The following SLCO1A2 variants were observed in gnomAD, a reference collection of about 807,000 sequenced individuals.
SLCO1A2 encodes OATP-1.
Under a neutral mutation model 69.0 loss-of-function variants are expected in SLCO1A2, and 67 were observed. The ratio of observed to expected loss-of-function variants is 0.97; its 90% CI spans 0.80 to 1.19. The LOEUF (loss-of-function observed/expected upper bound fraction) is 1.19, where lower values mean the gene tolerates loss of function less well. Among genes scored for constraint, SLCO1A2 ranks in the 50% most tolerant of loss-of-function variants. SLCO1A2 has a pLI of 0.00. For synonymous variants in SLCO1A2, 260 were observed against 265.9 expected, an observed-to-expected ratio of 0.98 and a Z score of 0.22; for missense variants, 787 against 793.7, an observed-to-expected ratio of 0.99 and a Z score of 0.10.
At chr12:21,340,906 G>GTGATGT (rs1190173466) in intron 2 of SLCO1A2, among the ~76,000 whole-genome samples, 2 of 151,900 alleles carry the variant, frequency 1.3e-5, no homozygotes, top group African/African-American at 4.8e-5. Context: ...AACATACAAT[G>GTGATGT]TGATGTTGCT....
intron 2 of SLCO1A2, among the ~76,000 whole-genome samples, chr12:21,359,603 CAG>C (rs768276852): frequency 2.0e-5 from 3 of 152,100 alleles, no homozygotes; most frequent in Non-Finnish European, 2.9e-5. Context: ...TCTAATTAGC[CAG>C]GCATGGTGGT....
intron 2 of SLCO1A2, among the ~76,000 whole-genome samples, chr12:21,344,881 A>G (rs551884169): frequency 6.6e-6 from 1 of 152,148 alleles, no homozygotes; most frequent in South Asian, 2.1e-4. Context: ...CCTATTTCTT[A>G]AATAACTAAT....
At chr12:21,294,590 A>G (rs900956857) in intron 10 of SLCO1A2, 1 of 152,310 alleles carries the variant, frequency 6.6e-6, no homozygotes, top group African/African-American at 2.4e-5. Flanking sequence ...AGTGCTTGTA[A>G]TATGATTGAA....
intron 3 of SLCO1A2, among the ~76,000 whole-genome samples, chr12:21,315,615 C>T (rs1156449580): frequency 6.6e-6 from 1 of 152,092 alleles, no homozygotes; most frequent in Non-Finnish European, 1.5e-5. Context: ...AGTTTTCTTT[C>T]CACCTGTATT....
At chr12:21,347,032 A>C (rs1471377710) in intron 2 of SLCO1A2, among the ~76,000 whole-genome samples, 1 of 152,036 alleles carries the variant, frequency 6.6e-6, no homozygotes, top group Non-Finnish European at 1.5e-5. Flanking sequence ...GTTTTGTAAG[A>C]TGAAGTGTGT....
intron 2 of SLCO1A2, among the ~76,000 whole-genome samples, chr12:21,360,423 T>C (rs1266702369): frequency 6.6e-6 from 1 of 152,114 alleles, no homozygotes; most frequent in East Asian, 1.9e-4. Flanking sequence ...AATATAAACA[T>C]CAGAGGGTGG....
chr12:21,305,483 A>G (rs558756997), intron 5 of SLCO1A2, among the ~76,000 whole-genome samples: 1 of 152,338 alleles, frequency 6.6e-6, no homozygotes, highest in Admixed American at 6.5e-5. Flanking sequence ...CAGTCGGAAA[A>G]TAATAGTCTC....
chr12:21,395,708 C>T (rs1014430242), upstream of SLCO1A2, among the ~76,000 whole-genome samples: 4 of 152,152 alleles, frequency 2.6e-5, no homozygotes. Context: ...CAAGTGGGTC[C>T]CTGACCCCTG....
chr12:21,278,643 C>A (rs1265912807), intron 12 of SLCO1A2, among the ~76,000 whole-genome samples: 5 of 152,320 alleles, frequency 3.3e-5, no homozygotes, highest in African/African-American at 1.2e-4. Context: ...AAAGTGGTAA[C>A]TCTGTGAGTC....
intron 2 of SLCO1A2, among the ~76,000 whole-genome samples, chr12:21,347,702 A>AGGAAGGAAGAAAG (rs1555122088): frequency 4.0e-5 from 6 of 148,202 alleles, no homozygotes; most frequent in African/African-American, 1.5e-4. Flanking sequence ...GGAAGGAAGA[A>AGGAAGGAAGAAAG]GGAAAAAAGG....
At chr12:21,361,822 C>T (rs1381394328) in intron 2 of SLCO1A2, among the ~76,000 whole-genome samples, 1 of 151,942 alleles carries the variant, frequency 6.6e-6, no homozygotes, top group Admixed American at 6.6e-5. Flanking sequence ...GAATGAAATG[C>T]AGGGAGAAGA....
intron 2 of SLCO1A2, chr12:21,373,203 T>C: frequency 1.5e-6 from 1 of 673,040 alleles, no homozygotes; most frequent in Non-Finnish European, 2.6e-6. Flanking sequence ...AGGGACTGTA[T>C]CAATAAAAAT....
rs111387822 is a variant in SLCO1A2, at chr12:21,369,710, T to C, written c.-63+4689A>G. Among the ~76,000 whole-genome samples, 158 of 152,276 alleles carry C rather than the reference T, an allele frequency of 1.0e-3. 1 individual carries two copies. The highest frequency in any genetic ancestry group is 3.6e-3 in the African/African-American group (150 of 41,570). On this transcript the variant is annotated intron_variant, in intron 2 of 15. Transcript: ENST00000307378. ...AGATTTTGATAGAGTGGATCCAAGG[T>C]GGGGCCTGAGATTCTGCATTTCTAA...
intron 1 of SLCO1A2, among the ~76,000 whole-genome samples, chr12:21,381,883 T>A (rs377713843): frequency 6.6e-6 from 1 of 152,238 alleles, no homozygotes; most frequent in African/African-American, 2.4e-5. Flanking sequence ...CTAGTGAGAA[T>A]GTAAATTAGT....
intron 1 of SLCO1A2, among the ~76,000 whole-genome samples, chr12:21,410,335 G>C (rs1034745925): frequency 1.5e-4 from 23 of 152,102 alleles, no homozygotes; most frequent in Admixed American, 6.5e-5. Flanking sequence ...GTGTTTAATT[G>C]CTTTAAACTT....
At chr12:21,362,376 A>C (rs1003841743) in intron 2 of SLCO1A2, among the ~76,000 whole-genome samples, 6 of 152,138 alleles carry the variant, frequency 3.9e-5, no homozygotes, top group Non-Finnish European at 8.8e-5. Context: ...ACCATGCCTG[A>C]CTTACAAGAG....
In SLCO1A2 at chr12:21,349,023, A is replaced by G. The variant is rs114468003; in HGVS notation, c.-62-14314T>C. 6.7e-3 allele frequency among the ~76,000 whole-genome samples: 1,020 copies of G among 152,292 alleles called. 12 individuals are homozygous for G. The highest frequency in any genetic ancestry group is 0.024 in the African/African-American group (985 of 41,558). On this transcript the variant is annotated intron_variant, in intron 2 of 15. Coordinates refer to the SLCO1A2 transcript ENST00000307378. Reference sequence around the variant, plus strand: ...ATATACAGCTGTGGGGGTAGGAGGCATATGGGAAATCTGTGTACTCCAGTC... The same window carrying G: ...ATATACAGCTGTGGGGGTAGGAGGCGTATGGGAAATCTGTGTACTCCAGTC...
chr12:21,291,829 C>A (rs1288183113), intron 12 of SLCO1A2, among the ~76,000 whole-genome samples: 1 of 152,068 alleles, frequency 6.6e-6, no homozygotes, highest in Non-Finnish European at 1.5e-5. Context: ...GGCTGCTAGG[C>A]ACCCACTCTT....
At chr12:21,275,154 G>C (rs1943563507) in intron 13 of SLCO1A2, 1 of 860,768 alleles carries the variant, frequency 1.2e-6, no homozygotes, top group Admixed American at 4.5e-5. Flanking sequence ...CTGTTGTGGG[G>C]TGGGGGAAGG....
Sources: gnomAD v4.1 joint callset for allele counts (sites outside exome capture counted in the v4.1 genomes callset) on GRCh38, gnomAD v4.1.1 for gene constraint, MANE v1.5 for transcripts, NCBI Gene and HGNC (gene_info 2026-07-23, HGNC 2026-07-21) for gene names.